The following ARHGAP15 variants were observed in gnomAD, a reference collection of about 807,000 sequenced individuals.
ARHGAP15 encodes rho GTPase-activating protein 15.
ARHGAP15 carries 51 observed loss-of-function variants against 63.7 expected under a neutral mutation model. That is an observed-to-expected ratio of 0.80 (90% CI 0.64 to 1.01). ARHGAP15 has a LOEUF of 1.01. Among genes scored for constraint, ARHGAP15 ranks in the 50% least tolerant of loss-of-function variants. The probability of loss-of-function intolerance (pLI) is 0.00; values close to 1 mark genes in which losing one functional copy is unlikely to be tolerated. For missense variants in ARHGAP15, 560 were observed against 564.6 expected, an observed-to-expected ratio of 0.99 and a Z score of 0.08; for synonymous variants, 191 against 193.8, an observed-to-expected ratio of 0.99 and a Z score of 0.12.
chr2:143,677,113 C>G (rs1190754802), intron 12 of ARHGAP15, among the ~76,000 whole-genome samples: 1 of 152,228 alleles, frequency 6.6e-6, no homozygotes, highest in Non-Finnish European at 1.5e-5. Flanking sequence ...CAGTACTCAT[C>G]CCATTCATTG....
chr2:143,532,923 G>T (rs1046991282), intron 10 of ARHGAP15, among the ~76,000 whole-genome samples: 1 of 152,110 alleles, frequency 6.6e-6, no homozygotes, highest in African/African-American at 2.4e-5. Flanking sequence ...CCAAACTTCC[G>T]TTACCAAAAA....
At chr2:143,347,733 T>A (rs1050323589) in intron 6 of ARHGAP15, among the ~76,000 whole-genome samples, 9 of 152,048 alleles carry the variant, frequency 5.9e-5, no homozygotes, top group Non-Finnish European at 1.2e-4. Flanking sequence ...ACCTCTTTAC[T>A]CTTTGTGCTG....
At chr2:143,608,824 GCTTTGAATTTCCATCT>G (rs994570054) in intron 11 of ARHGAP15, 1 of 152,152 alleles carries the variant, frequency 6.6e-6, no homozygotes, top group Non-Finnish European at 1.5e-5. Context: ...CATTTTTAAA[GCTTTGAATTTCCATCT>G]GTATCTTATA....
At chr2:143,671,899 T>G (rs1682546990) in intron 12 of ARHGAP15, among the ~76,000 whole-genome samples, 2 of 152,208 alleles carry the variant, frequency 1.3e-5, no homozygotes, top group Non-Finnish European at 2.9e-5. Context: ...TTAATGTGAA[T>G]TCCAGCCTGC....
At chr2:143,394,889 A>T (rs1687692088) in intron 6 of ARHGAP15, among the ~76,000 whole-genome samples, 1 of 152,176 alleles carries the variant, frequency 6.6e-6, no homozygotes, top group Non-Finnish European at 1.5e-5. Flanking sequence ...AGGAGAAAAA[A>T]GATTCCAAGA....
chr2:143,690,607 T>C (rs1449940751), intron 12 of ARHGAP15, among the ~76,000 whole-genome samples: 2 of 152,238 alleles, frequency 1.3e-5, no homozygotes, highest in African/African-American at 4.8e-5. Flanking sequence ...ATTGTAATGA[T>C]AGATTTCAGA....
In ARHGAP15 at chr2:143,134,791, A is replaced by C. The variant is rs1451830445; in HGVS notation, c.-15+5325A>C. On this transcript the variant is annotated intron_variant, in intron 1 of 13. Coordinates refer to ENST00000295095, the MANE Select transcript of ARHGAP15 (RefSeq NM_018460.4). ...CTGGGACTACAGGTGCCTGCCACCA[A>C]GCCCAGCTAATTTTTTTTTGTATTT... is the stretch of plus-strand genomic sequence containing the variant. 1.2e-4 allele frequency among the ~76,000 whole-genome samples: 11 copies of C among 93,372 alleles called. No individual in the cohort carries two copies. The East Asian group carries it at 2.1e-3, about 17-fold the overall frequency. 61.3% of individuals were successfully genotyped at this position (93,372 alleles called of 152,430 possible). A position where few individuals can be genotyped will look rare whatever the true frequency, so the allele number is the denominator to read the frequency against.
At chr2:143,135,418 A>G (rs973739183) in intron 1 of ARHGAP15, among the ~76,000 whole-genome samples, 4 of 152,194 alleles carry the variant, frequency 2.6e-5, no homozygotes, top group Non-Finnish European at 4.4e-5. Flanking sequence ...CTCTAAGTAT[A>G]CTATGTTGTC....
chr2:143,569,208 T>A (rs1332759039), intron 11 of ARHGAP15, among the ~76,000 whole-genome samples: 2 of 152,130 alleles, frequency 1.3e-5, no homozygotes, highest in Non-Finnish European at 2.9e-5. Context: ...AAATGAAGAC[T>A]TCAAATGGGG....
intron 6 of ARHGAP15, among the ~76,000 whole-genome samples, chr2:143,252,867 A>C (rs1173802681): frequency 6.6e-6 from 1 of 152,062 alleles, no homozygotes; most frequent in African/African-American, 2.4e-5. Context: ...ATTTGATTAG[A>C]TACATTAGCT....
At chr2:143,311,152 G>T (rs1016195223) in intron 6 of ARHGAP15, among the ~76,000 whole-genome samples, 4 of 151,784 alleles carry the variant, frequency 2.6e-5, no homozygotes, top group Non-Finnish European at 5.9e-5. Context: ...TCAAATGTTG[G>T]AAACAATAAA....
intron 2 of ARHGAP15, among the ~76,000 whole-genome samples, chr2:143,191,495 A>T (rs772952961): frequency 9.9e-5 from 15 of 152,254 alleles, no homozygotes; most frequent in Non-Finnish European, 2.1e-4. Flanking sequence ...GTTATACACT[A>T]TGCTAAGTAT....
At chr2:143,564,119 T>C (rs1047762985) in intron 11 of ARHGAP15, 1 of 152,258 alleles carries the variant, frequency 6.6e-6, no homozygotes, top group African/African-American at 2.4e-5. Flanking sequence ...CCTCAATCCA[T>C]CATTGGTTGT....
chr2:143,193,233 G>A (rs1348988037), intron 2 of ARHGAP15, among the ~76,000 whole-genome samples: 4 of 152,200 alleles, frequency 2.6e-5, no homozygotes, highest in Admixed American at 2.6e-4. Context: ...ATCATTGCCT[G>A]GCACCTACAC....
At chr2:143,596,150 G>A (rs1256156674) in intron 11 of ARHGAP15, among the ~76,000 whole-genome samples, 4 of 152,058 alleles carry the variant, frequency 2.6e-5, no homozygotes, top group Non-Finnish European at 5.9e-5. Flanking sequence ...CCTTAGAATG[G>A]AAATGTGGCC....
intron 6 of ARHGAP15, among the ~76,000 whole-genome samples, chr2:143,371,737 T>A (rs1241376952): frequency 6.6e-6 from 1 of 152,164 alleles, no homozygotes; most frequent in Non-Finnish European, 1.5e-5. Context: ...TGCCAAATAT[T>A]TTGTTGTAAA....
At chr2:143,447,235 A>G (rs1210593414) in intron 8 of ARHGAP15, among the ~76,000 whole-genome samples, 1 of 152,206 alleles carries the variant, frequency 6.6e-6, no homozygotes, top group Non-Finnish European at 1.5e-5. Context: ...GAATTTTGAC[A>G]GAGAGTTATG....
At chr2:143,138,812 C>A (rs1022723007) in intron 1 of ARHGAP15, among the ~76,000 whole-genome samples, 3 of 151,952 alleles carry the variant, frequency 2.0e-5, no homozygotes, top group Non-Finnish European at 4.4e-5. Context: ...GTACAAATAA[C>A]GAAAATGTAA....
intron 11 of ARHGAP15, among the ~76,000 whole-genome samples, chr2:143,621,779 A>C (rs920416996): frequency 6.6e-6 from 1 of 152,160 alleles, no homozygotes; most frequent in Admixed American, 6.5e-5. Context: ...TTCGATTTTC[A>C]TGTTCACTTG....
Sources: allele counts gnomAD v4.1 joint callset (sites outside exome capture counted in the v4.1 genomes callset), GRCh38; gene constraint gnomAD v4.1.1; transcripts MANE v1.5; gene names NCBI Gene and HGNC (gene_info 2026-07-23, HGNC 2026-07-21).